Variants in ZNF521 observed in about 807,000 individuals in gnomAD.
ZNF521 encodes the protein zinc finger protein 521.
ZNF521 carries 14 observed loss-of-function variants against 105.5 expected under a neutral mutation model. The ratio of observed to expected loss-of-function variants is 0.13; its 90% CI spans 0.09 to 0.21. The LOEUF (loss-of-function observed/expected upper bound fraction) is 0.21, where lower values mean the gene tolerates loss of function less well. Among genes scored for constraint, ZNF521 ranks in the 10% least tolerant of loss-of-function variants. ZNF521 has a pLI of 1.00. For synonymous variants in ZNF521, 635 were observed against 606.0 expected (o/e 1.05, Z -0.70); for missense variants, 1,233 against 1,629.7 (o/e 0.76, Z 4.19).
chr18:25,342,177 GAATT>G lies in ZNF521; in HGVS notation c.40+8726_40+8729del, dbSNP rs1228779776. On this transcript the variant is annotated intron_variant, in intron 2 of 7. Transcript: ENST00000361524. ...TGTTTTTATTTTCAACTCTTTCCAG[GAATT>G]AATATGCACTCCCTTGAGCCCACAG... Among the ~76,000 whole-genome samples the G allele has an allele frequency of 2.6e-5, 4 of 152,052 alleles. No individual in the cohort carries two copies. The South Asian group carries it at 6.2e-4, about 24-fold the overall frequency.
rs1431947707 is a variant in ZNF521, at chr18:25,224,289, A to G, written c.3573+56T>C. On this transcript the variant is annotated intron_variant, in intron 4 of 7. Coordinates refer to ENST00000361524, the MANE Select transcript of ZNF521 (RefSeq NM_015461.3). ...AAAGCTGTGGAGAGTGTAAACATAA[A>G]GCAGGGACCGTTTCTTGAGGAGGTT... 33 of 1,463,144 alleles carry G rather than the reference A, an allele frequency of 2.3e-5. 1 individual carries two copies. Among genetic ancestry groups the G allele is most frequent in the Non-Finnish European group, 1.8e-5 (19 of 1,066,048 alleles). 90.6% of individuals were successfully genotyped at this position (1,463,144 alleles called of 1,614,324 possible).
At chr18:25,131,122 T>C (rs2034634245) in intron 5 of ZNF521, among the ~76,000 whole-genome samples, 1 of 151,826 alleles carries the variant, frequency 6.6e-6, no homozygotes, top group African/African-American at 2.4e-5. Context: ...AAAGAGAAGA[T>C]TGCTTCTTAC....
chr18:25,333,568 C>T (rs1913710784), intron 2 of ZNF521, among the ~76,000 whole-genome samples: 1 of 151,954 alleles, frequency 6.6e-6, no homozygotes, highest in African/African-American at 2.4e-5. Flanking sequence ...TCTAGGATGT[C>T]AGAATTGGAG....
chr18:25,151,984 T>A (rs2035055821), intron 5 of ZNF521, among the ~76,000 whole-genome samples: 1 of 152,104 alleles, frequency 6.6e-6, no homozygotes. Flanking sequence ...TTTTTTTACA[T>A]GAGAGAGCAT....
chr18:25,076,286 C>G (rs923065485), intron 7 of ZNF521, among the ~76,000 whole-genome samples: 1 of 152,068 alleles, frequency 6.6e-6, no homozygotes, highest in Non-Finnish European at 1.5e-5. Context: ...ACTGTTTATC[C>G]CAGTTGTTTT....
intron 7 of ZNF521, among the ~76,000 whole-genome samples, chr18:25,062,958 G>A (rs1355821479): frequency 6.6e-6 from 1 of 152,070 alleles, no homozygotes; most frequent in Non-Finnish European, 1.5e-5. Flanking sequence ...TCCCCAGGGG[G>A]AAACAGACCC....
At chr18:25,348,470 G>A (rs1914559207) in intron 2 of ZNF521, among the ~76,000 whole-genome samples, 1 of 152,094 alleles carries the variant, frequency 6.6e-6, no homozygotes, top group Non-Finnish European at 1.5e-5. Context: ...GGCATACCCT[G>A]AAGAAAAACA....
chr18:25,311,797 T>C (rs1912325295), intron 3 of ZNF521, among the ~76,000 whole-genome samples: 1 of 152,234 alleles, frequency 6.6e-6, no homozygotes, highest in Non-Finnish European at 1.5e-5. Context: ...TCATTATATA[T>C]TCATTATTCA....
chr18:25,240,291 C>T (rs1331149171), intron 3 of ZNF521, among the ~76,000 whole-genome samples: 1 of 152,122 alleles, frequency 6.6e-6, no homozygotes, highest in African/African-American at 2.4e-5. Context: ...GCACTTCTGC[C>T]TTTATCAGAC....
intron 3 of ZNF521, among the ~76,000 whole-genome samples, chr18:25,287,749 T>C (rs9966317): frequency 0.13 from 20,442 of 152,096 alleles, 1,549 homozygotes; most frequent in African/African-American, 0.2. Context: ...CTGCAGGAAA[T>C]TTAAAAAATT....
intron 3 of ZNF521, among the ~76,000 whole-genome samples, chr18:25,282,809 A>G (rs1910461776): frequency 1.3e-5 from 2 of 152,176 alleles, no homozygotes; most frequent in Admixed American, 6.5e-5. Context: ...AGAAAAACAA[A>G]ACAAAAAAAT....
At chr18:25,320,311 T>A (rs1309672041) in intron 3 of ZNF521, among the ~76,000 whole-genome samples, 1 of 152,150 alleles carries the variant, frequency 6.6e-6, no homozygotes, top group Non-Finnish European at 1.5e-5. Context: ...TAGCTGGGAT[T>A]ACAGGCACGT....
rs1421801864 is a variant in ZNF521 at position 25,347,552 on chromosome 18, C to T, written c.40+3355G>A. On this transcript the variant is annotated intron_variant, in intron 2 of 7. Transcript: ENST00000361524. Reference sequence around the variant, plus strand: ...AGTAGACCAACCAGGACCTGCTCCACTGAAGCTAGAAATATGGTACCTACT... The same window carrying T: ...AGTAGACCAACCAGGACCTGCTCCATTGAAGCTAGAAATATGGTACCTACT... 2.6e-5 allele frequency among the ~76,000 whole-genome samples: 4 copies of T among 152,308 alleles called. No homozygotes were observed. In the South Asian group the frequency reaches 8.3e-4, roughly 32 times the overall value.
chr18:25,282,552 A>G (rs1910447414), intron 3 of ZNF521, among the ~76,000 whole-genome samples: 1 of 152,142 alleles, frequency 6.6e-6, no homozygotes, highest in Non-Finnish European at 1.5e-5. Context: ...GAGCTTGCAC[A>G]TGGAGGGGGC....
chr18:25,306,415 C>G (rs182891050), intron 3 of ZNF521, among the ~76,000 whole-genome samples: 442 of 152,086 alleles, frequency 2.9e-3, no homozygotes, highest in African/African-American at 0.01. Flanking sequence ...TGGGCATAAC[C>G]AGTAATTCCT....
chr18:25,223,408 G>T (rs1410456214), intron 4 of ZNF521, among the ~76,000 whole-genome samples: 2 of 152,192 alleles, frequency 1.3e-5, no homozygotes, highest in Admixed American at 1.3e-4. Flanking sequence ...CTCCGCCAGG[G>T]TGTGAGTGCA....
At chr18:25,272,601 T>C (rs1273753660) in intron 3 of ZNF521, among the ~76,000 whole-genome samples, 2 of 152,140 alleles carry the variant, frequency 1.3e-5, no homozygotes, top group Non-Finnish European at 2.9e-5. Flanking sequence ...AAAGAGTTCA[T>C]GTCCTTTTCA....
intron 7 of ZNF521, among the ~76,000 whole-genome samples, chr18:25,066,867 C>A (rs552900388): frequency 1.4e-3 from 215 of 152,310 alleles, no homozygotes; most frequent in Non-Finnish European, 1.2e-3. Flanking sequence ...TAGAACAAAG[C>A]AGTGGGTAAT....
chr18:25,276,127 A>G (rs1478396256), intron 3 of ZNF521, among the ~76,000 whole-genome samples: 1 of 152,166 alleles, frequency 6.6e-6, no homozygotes, highest in Admixed American at 6.5e-5. Flanking sequence ...TACTCAGGGC[A>G]TCACAGAAAA....
Sources: allele counts gnomAD v4.1 joint callset (sites outside exome capture counted in the v4.1 genomes callset), GRCh38; gene constraint gnomAD v4.1.1; transcripts MANE v1.5; gene names NCBI Gene and HGNC (gene_info 2026-07-23, HGNC 2026-07-21).